Variants in CALN1 observed in about 807,000 individuals in gnomAD.
CALN1 encodes calneuron 1.
CALN1 carries 17 observed loss-of-function variants against 30.6 expected under a neutral mutation model. That is an observed-to-expected ratio of 0.56 (90% confidence interval 0.38 to 0.83). The LOEUF (loss-of-function observed/expected upper bound fraction) is 0.83. Among genes scored for constraint, CALN1 ranks in the 40% least tolerant of loss-of-function variants. CALN1 has a pLI of 0.00. For synonymous variants in CALN1, 156 were observed against 131.4 expected, an observed-to-expected ratio of 1.19 and a Z score of -1.28; for missense variants, 291 against 354.9, an observed-to-expected ratio of 0.82 and a Z score of 1.45.
At chr7:72,349,254 AAAAG>A (rs756327576) in intron 2 of CALN1, among the ~76,000 whole-genome samples, 3 of 151,404 alleles carry the variant, frequency 2.0e-5, no homozygotes, top group Non-Finnish European at 4.4e-5. Context: ...AAGCGAGAGA[AAAAG>A]AGAGAGACTG....
At chr7:72,291,862 T>A (rs1798499719) in intron 2 of CALN1, among the ~76,000 whole-genome samples, 1 of 152,114 alleles carries the variant, frequency 6.6e-6, no homozygotes, top group Non-Finnish European at 1.5e-5. Context: ...TGCACCTGCC[T>A]TGGCCTCCCA....
intron 5 of CALN1, among the ~76,000 whole-genome samples, chr7:72,017,447 A>ATTT (rs1365396941): frequency 6.6e-6 from 1 of 152,114 alleles, no homozygotes; most frequent in Non-Finnish European, 1.5e-5. Context: ...AAATTGGGGA[A>ATTT]CGAGTACCCT....
intron 5 of CALN1, among the ~76,000 whole-genome samples, chr7:71,919,667 C>A (rs1794840046): frequency 6.6e-6 from 1 of 152,064 alleles, no homozygotes; most frequent in Admixed American, 6.6e-5. Flanking sequence ...AAAAGAAGAA[C>A]AAAAGGAAGA....
chr7:72,120,596 A>T (rs978431472), intron 3 of CALN1, among the ~76,000 whole-genome samples: 3 of 152,184 alleles, frequency 2.0e-5, no homozygotes, highest in African/African-American at 7.2e-5. Context: ...AACACTTTTC[A>T]GTCACTTAAT....
At chr7:72,371,085 G>C (rs1196102370) in intron 2 of CALN1, among the ~76,000 whole-genome samples, 1 of 145,694 alleles carries the variant, frequency 6.9e-6, no homozygotes, top group Admixed American at 6.9e-5. Context: ...TCTTAATTTT[G>C]ATAAAGTCTG....
chr7:72,205,551 A>AAATATATACATATATATGTATATATATAT lies in CALN1; in HGVS notation c.244+73134_244+73135insATATATATATACATATATATGTATATATT. On this transcript the variant is annotated intron_variant, in intron 3 of 6. Coordinates refer to ENST00000395275, the MANE Select transcript of CALN1 (RefSeq NM_031468.4). Reference sequence around the variant, plus strand: ...ATTTTTCTCCTGATTGCAAAAAAAAAATATATATATATATATGTATATATA... The same window carrying AAATATATACATATATATGTATATATATAT: ...ATTTTTCTCCTGATTGCAAAAAAAAAAATATATACATATATATGTATATATATATATATATATATATATATGTATATATA... 4.5e-4 allele frequency among the ~76,000 whole-genome samples: 37 copies of AAATATATACATATATATGTATATATATAT among 82,990 alleles called. 2 individuals carry two copies. The highest frequency in any genetic ancestry group is 6.7e-4 in the Non-Finnish European group (34 of 50,940). The allele number at this position is 82,990 out of a possible 152,430, so 54.4% of individuals were successfully genotyped here.
At position 72,428,464 on chromosome 7, in the gene CALN1, T is replaced by C. The variant is rs1477081580; in HGVS notation, c.-225-16189A>G. On this transcript the variant is annotated intron_variant, in intron 1 of 6. Transcript: ENST00000395276. ...TGGAGTGCAGTGGCCTGATCTCAGC[T>C]CACTGCAGCCTCAACATCCTGGGCT... 3.3e-5 allele frequency among the ~76,000 whole-genome samples: 5 copies of C among 151,842 alleles called. No individual in the cohort carries two copies. In the South Asian group the frequency reaches 6.3e-4, roughly 19 times the overall value.
At chr7:71,968,199 C>T (rs1797622096) in intron 5 of CALN1, among the ~76,000 whole-genome samples, 1 of 151,010 alleles carries the variant, frequency 6.6e-6, no homozygotes, top group Non-Finnish European at 1.5e-5. Context: ...CACTCCTGAA[C>T]AAAAAAAAGA....
At chr7:72,324,589 TTTA>T (rs1801136886) in intron 2 of CALN1, among the ~76,000 whole-genome samples, 1 of 150,690 alleles carries the variant, frequency 6.6e-6, no homozygotes, top group Non-Finnish European at 1.5e-5. Context: ...TATTTATTTA[TTTA>T]TTTATTTAGA....
intron 5 of CALN1, among the ~76,000 whole-genome samples, chr7:71,847,794 GAAAA>G (rs1562835660): frequency 3.0e-5 from 4 of 134,092 alleles, no homozygotes; most frequent in South Asian, 2.8e-4. Context: ...AGAAGAAGAA[GAAAA>G]GAAGAAAAGA....
rs56695086 is a variant in CALN1, at chr7:72,338,470, A to AGTGTGTGTGTGTGTGTGTGT, written c.120-59680_120-59661dup. Among the ~76,000 whole-genome samples the AGTGTGTGTGTGTGTGTGTGT allele has an allele frequency of 3.3e-3, 246 of 74,772 alleles. 8 individuals are homozygous for AGTGTGTGTGTGTGTGTGTGT. Among genetic ancestry groups the AGTGTGTGTGTGTGTGTGTGT allele is most frequent in the East Asian group, 5.0e-3 (12 of 2,384 alleles). 49.1% of individuals were successfully genotyped at this position (74,772 alleles called of 152,430 possible). On this transcript the variant is annotated intron_variant, in intron 2 of 6. Transcript: ENST00000395275. Reference sequence around the variant, plus strand: ...GGGCGTTTTTGTCAGCCAGCAGCACAGTGTGTGTGTGTGTGTGTGTGTGTG... The same window carrying AGTGTGTGTGTGTGTGTGTGT: ...GGGCGTTTTTGTCAGCCAGCAGCACAGTGTGTGTGTGTGTGTGTGTGTGTGTGTGTGTGTGTGTGTGTGTG...
At chr7:72,183,877 CT>C (rs1789992173) in intron 3 of CALN1, among the ~76,000 whole-genome samples, 1 of 152,016 alleles carries the variant, frequency 6.6e-6, no homozygotes, top group Non-Finnish European at 1.5e-5. Flanking sequence ...TGCCTAGCAA[CT>C]AAAGTCCCCT....
At chr7:72,094,307 T>G (rs1462320335) in intron 4 of CALN1, among the ~76,000 whole-genome samples, 1 of 151,950 alleles carries the variant, frequency 6.6e-6, no homozygotes, top group South Asian at 2.1e-4. Flanking sequence ...CAGGTGGGAG[T>G]GCAATGGCAC....
chr7:72,454,680 C>T, the CALN1 span, among the ~76,000 whole-genome samples: 2 of 152,156 alleles, frequency 1.3e-5, no homozygotes, highest in Non-Finnish European at 2.9e-5. Context: ...TGCAACACTT[C>T]AGATCATCGT....
chr7:71,934,541 G>A (rs1042032722), intron 5 of CALN1, among the ~76,000 whole-genome samples: 1 of 152,144 alleles, frequency 6.6e-6, no homozygotes, highest in Non-Finnish European at 1.5e-5. Flanking sequence ...GACAAGAAAG[G>A]GAGCAAGAGA....
chr7:72,390,620 C>G (rs2944791), intron 2 of CALN1, among the ~76,000 whole-genome samples: 59,762 of 151,914 alleles, frequency 0.39, 13,815 homozygotes, highest in Middle Eastern at 0.55. Context: ...ATTAGGAATG[C>G]AAGCCACAAG....
At chr7:72,453,147 G>A in the CALN1 span, among the ~76,000 whole-genome samples, 2 of 152,208 alleles carry the variant, frequency 1.3e-5, no homozygotes, top group Non-Finnish European at 2.9e-5. Context: ...ATGCAGGGCA[G>A]GTGAACCCCA....
chr7:72,186,884 GCTTT>G (rs1191609540), intron 3 of CALN1, among the ~76,000 whole-genome samples: 4 of 97,556 alleles, frequency 4.1e-5, no homozygotes, highest in African/African-American at 1.2e-4. Flanking sequence ...TGAGTGCAGA[GCTTT>G]TTTTTTTTTT....
At chr7:72,036,894 T>C (rs1217202479) in intron 4 of CALN1, among the ~76,000 whole-genome samples, 1 of 152,238 alleles carries the variant, frequency 6.6e-6, no homozygotes, top group East Asian at 1.9e-4. Flanking sequence ...ATGTAATAAG[T>C]GGTATCTCTG....
Sources: gnomAD v4.1 joint callset for allele counts (sites outside exome capture counted in the v4.1 genomes callset) on GRCh38, gnomAD v4.1.1 for gene constraint, MANE v1.5 for transcripts, NCBI Gene and HGNC (gene_info 2026-07-23, HGNC 2026-07-21) for gene names.